LANCL2: variants seen among roughly 807,000 people sequenced by gnomAD.
The protein encoded by LANCL2 is lanC-like protein 2.
LANCL2 carries 33 observed loss-of-function variants against 56.9 expected under a neutral mutation model. That is an observed-to-expected ratio of 0.58 (90% confidence interval 0.44 to 0.78). The LOEUF (loss-of-function observed/expected upper bound fraction) is 0.78, where lower values mean the gene tolerates loss of function less well. LANCL2 is among the 30% of genes least tolerant of loss of function. The pLI, the probability that LANCL2 is intolerant of heterozygous loss-of-function variation, is 0.00. For missense variants in LANCL2, 562 were observed against 580.2 expected, an observed-to-expected ratio of 0.97 and a Z score of 0.32; for synonymous variants, 233 against 228.2, an observed-to-expected ratio of 1.02 and a Z score of -0.19.
At chr7:55,424,046 A>C (rs1790636503) in intron 6 of LANCL2, among the ~76,000 whole-genome samples, 2 of 152,256 alleles carry the variant, frequency 1.3e-5, no homozygotes, top group South Asian at 4.2e-4. Context: ...TGTCCAGCTC[A>C]TCAGTCACAA....
rs568955419 is a variant in LANCL2, at chr7:55,412,957, G to A, written c.1008+868G>A. 4.9e-4 allele frequency among the ~76,000 whole-genome samples: 75 copies of A among 152,188 alleles called. 1 individual carries two copies. In the South Asian group the frequency reaches 5.8e-3, roughly 12 times the overall value. The stretch of plus-strand genomic sequence containing the variant: ...ATTTTATTTTTTCTTTACAGCTACC[G>A]TAATAAATTACTTAGGAAAATTGTG... On this transcript the variant is annotated intron_variant, in intron 6 of 8. Coordinates refer to ENST00000254770, the MANE Select transcript of LANCL2 (RefSeq NM_018697.4).
chr7:55,406,092 C>T lies in LANCL2; in HGVS notation c.825+4772C>T, dbSNP rs115012473. On this transcript the variant is annotated intron_variant, in intron 5 of 8. Transcript: ENST00000254770. ...TGAGGGAGTGGAAAGGGAGCAGGAA[C>T]GTATGCCAAGCCAGGTGGCCGAATG... Among the ~76,000 whole-genome samples the T allele has an allele frequency of 7.8e-3, 1,185 of 152,226 alleles. 22 individuals carry two copies. The highest frequency in any genetic ancestry group is 0.027 in the African/African-American group (1,124 of 41,520).
intron 2 of LANCL2, among the ~76,000 whole-genome samples, chr7:55,392,333 C>CTTTTTTTTTTTTTTTTTTTTTTTTT (rs71031842): frequency 7.3e-6 from 1 of 136,270 alleles, no homozygotes; most frequent in East Asian, 2.1e-4. Flanking sequence ...TTTTTTTTTT[C>CTTTTTTTTTTTTTTTTTTTTTTTTT]TTTTTTTTTT....
rs767726602 is a variant in LANCL2 at position 55,366,267 on chromosome 7, G to A, written c.204+38G>A. ...CCTGGCCGCAGAGGCGCCGGAGGGG[G>A]AGCGCGGCGGTGGTAGCGTCCACCT... On this transcript the variant is annotated intron_variant, in intron 1 of 8. Transcript: ENST00000254770. The A allele has an allele frequency of 5.5e-5, 78 of 1,430,250 alleles. No homozygotes were observed. The African/African-American group carries it at 9.0e-4, about 16-fold the overall frequency. 88.6% of individuals were successfully genotyped at this position (1,430,250 alleles called of 1,614,324 possible). A position where few individuals can be genotyped will look rare whatever the true frequency, so the allele number is the denominator to read the frequency against.
Position 55,411,964 on chromosome 7 carries a change from T to G in LANCL2, c.883T>G (p.Tyr295Asp), listed in dbSNP as rs781014985. The G allele has an allele frequency of 6.2e-7, 1 of 1,614,232 alleles. No individual in the cohort carries two copies. Among genetic ancestry groups the G allele is most frequent in the Non-Finnish European group, 8.5e-7 (1 of 1,180,032 alleles). The change falls in exon 6 of 9, where the codon TAT (tyrosine) becomes GAT (aspartate). Residue 295 changes from tyrosine to aspartate, a missense_variant. Around this residue, in one of 2 missense-constraint regions of LANCL2, gnomAD observed 378 missense variants for 468.4 expected, o/e 0.81. Coordinates refer to ENST00000254770, the MANE Select transcript of LANCL2 (RefSeq NM_018697.4). ...AGAAATGGTGAAACCCAGTATTGAT[T>G]ATGTGCGCCACAAAAAATTCCGATC... ...LTEMVKPSID[Y>D]VRHKKFRSGN... is the part of the protein sequence containing the mutation.
intron 6 of LANCL2, among the ~76,000 whole-genome samples, chr7:55,418,717 A>G (rs1017485201): frequency 8.1e-5 from 7 of 86,088 alleles, no homozygotes; most frequent in African/African-American, 2.6e-4. Context: ...TTTATTCACA[A>G]TCATAGAAAA....
At chr7:55,374,248 A>G (rs1789976378) in intron 1 of LANCL2, among the ~76,000 whole-genome samples, 1 of 152,224 alleles carries the variant, frequency 6.6e-6, no homozygotes, top group South Asian at 2.1e-4. Context: ...AAGCATACAT[A>G]GCAGATGAAT....
At chr7:55,378,859 G>A (rs1038071643) in intron 1 of LANCL2, among the ~76,000 whole-genome samples, 5 of 152,216 alleles carry the variant, frequency 3.3e-5, no homozygotes, top group South Asian at 2.1e-4. Flanking sequence ...TAGGCTGGGC[G>A]CGGTGGCTCA....
At chr7:55,368,688 A>G (rs1447890758) in intron 1 of LANCL2, among the ~76,000 whole-genome samples, 1 of 151,792 alleles carries the variant, frequency 6.6e-6, no homozygotes, top group Non-Finnish European at 1.5e-5. Flanking sequence ...TTATGGGTTG[A>G]ATTGTGTCCC....
At chr7:55,426,933 C>T (rs815986) in intron 7 of LANCL2, among the ~76,000 whole-genome samples, 109,838 of 152,046 alleles carry the variant, frequency 0.72, 40,182 homozygotes, top group African/African-American at 0.82. Flanking sequence ...AGGGGTGAGA[C>T]GCAGCCGGTT....
At chr7:55,409,527 A>T (rs966693404) in intron 5 of LANCL2, among the ~76,000 whole-genome samples, 1 of 152,202 alleles carries the variant, frequency 6.6e-6, no homozygotes, top group African/African-American at 2.4e-5. Flanking sequence ...CATCTCAGGA[A>T]GCTACTGGAG....
intron 7 of LANCL2, 25 bp downstream of exon 7, chr7:55,425,455 C>A (rs1458617573): frequency 6.2e-6 from 10 of 1,609,026 alleles, no homozygotes; most frequent in African/African-American, 2.7e-5. Context: ...GTTGGAACTG[C>A]TTCTGAACAA....
chr7:55,398,367 G>T, intron 2 of LANCL2, 56 bp from the exon 3 acceptor site: 1 of 1,296,466 alleles, frequency 7.7e-7, no homozygotes, highest in South Asian at 1.2e-5. Context: ...ATAATGTCCT[G>T]AAGATAAAAG....
At chr7:55,387,303 A>T (rs1049949773) in intron 1 of LANCL2, among the ~76,000 whole-genome samples, 2 of 152,196 alleles carry the variant, frequency 1.3e-5, no homozygotes, top group African/African-American at 4.8e-5. Context: ...AGGAGTACAG[A>T]TTTAAGTTAT....
At position 55,365,972 on chromosome 7, in the gene LANCL2, TGC is replaced by T. The variant is rs1789856732; in HGVS notation, c.-53_-52del. 1.5e-6 allele frequency: 2 copies of T among 1,326,030 alleles called. No individual in the cohort carries two copies. Among genetic ancestry groups the T allele is most frequent in the Non-Finnish European group, 2.0e-6 (2 of 1,014,168 alleles). 82.1% of individuals were successfully genotyped at this position (1,326,030 alleles called of 1,614,324 possible). On this transcript the variant is annotated 5_prime_UTR_variant, in exon 1 of 9. Transcript: ENST00000254770. Reference sequence around the variant, plus strand: ...CGGAGGAGGCGGCGGCGGGGCGAGCTGCAGCGCCGGGACAGGAGGTTTGTCCC... The same window carrying T: ...CGGAGGAGGCGGCGGCGGGGCGAGCTAGCGCCGGGACAGGAGGTTTGTCCC...
At chr7:55,425,229 A>C (rs769896686) in intron 6 of LANCL2, 25 bp from the exon 7 acceptor site, 1 of 1,607,818 alleles carries the variant, frequency 6.2e-7, no homozygotes, top group Non-Finnish European at 8.5e-7. Context: ...TCTTTTTAAC[A>C]CTGCTTTGTT....
chr7:55,409,955 T>C (rs1369292055), intron 5 of LANCL2, among the ~76,000 whole-genome samples: 1 of 152,248 alleles, frequency 6.6e-6, no homozygotes, highest in African/African-American at 2.4e-5. Flanking sequence ...CACAGGATTA[T>C]GGATGGTGAC....
At position 55,433,195 on chromosome 7, in the gene LANCL2, C is replaced by A. The variant is rs1320679344; in HGVS notation, c.*1875C>A. 6.6e-6 allele frequency: 1 copy of A among 152,416 alleles called. No individual in the cohort carries two copies. Among genetic ancestry groups the A allele is most frequent in the Non-Finnish European group, 1.5e-5 (1 of 68,104 alleles). 9.4% of individuals were successfully genotyped at this position (152,416 alleles called of 1,614,324 possible). A position where few individuals can be genotyped will look rare whatever the true frequency, so the allele number is the denominator to read the frequency against. Reference sequence around the variant, plus strand: ...CGGGTGCAGCCAGGTGTCTGCAGAGCAGCCACAAAGGTGGCCTAGGATGCG... The same window carrying A: ...CGGGTGCAGCCAGGTGTCTGCAGAGAAGCCACAAAGGTGGCCTAGGATGCG... On this transcript the variant is annotated 3_prime_UTR_variant, in exon 9 of 9. Transcript: ENST00000254770.
At chr7:55,410,947 TGTG>T (rs35568268) in intron 5 of LANCL2, among the ~76,000 whole-genome samples, 1 of 151,460 alleles carries the variant, frequency 6.6e-6, no homozygotes, top group African/African-American at 2.4e-5. Flanking sequence ...AAGGATGTCA[TGTG>T]GTGACATGTC....
Sources: gnomAD v4.1 joint callset for allele counts (sites outside exome capture counted in the v4.1 genomes callset) on GRCh38, gnomAD v4.1.1 for gene constraint, gnomAD v4.1.1 regional missense constraint, MANE v1.5 for transcripts, NCBI Gene and HGNC (gene_info 2026-07-23, HGNC 2026-07-21) for gene names.